INTS9: variants seen among roughly 807,000 people sequenced by gnomAD.
The protein encoded by INTS9 is integrator complex subunit 9, also known as protein related to CPSF subunits of 74 kDa.
INTS9 carries 55 observed loss-of-function variants against 79.7 expected under a neutral mutation model. The observed-to-expected ratio is 0.69, with a 90% CI of 0.56 to 0.86. The LOEUF (loss-of-function observed/expected upper bound fraction) is 0.86, where lower values mean the gene tolerates loss of function less well. Ranked by LOEUF, INTS9 falls within the 40% of genes least tolerant of loss-of-function variation. INTS9 has a pLI of 0.00. For synonymous variants in INTS9, 319 were observed against 325.2 expected (o/e 0.98, Z 0.20); for missense variants, 721 against 831.5 (o/e 0.87, Z 1.64).
chr8:28,805,786 A>G (rs1191307816), intron 8 of INTS9, among the ~76,000 whole-genome samples: 1 of 152,212 alleles, frequency 6.6e-6, no homozygotes, highest in Non-Finnish European at 1.5e-5. Context: ...GTGCATTTTC[A>G]CATATACAGA....
At chr8:28,885,733 T>G (rs1457344598) in intron 1 of INTS9, among the ~76,000 whole-genome samples, 1 of 152,238 alleles carries the variant, frequency 6.6e-6, no homozygotes, top group East Asian at 1.9e-4. Context: ...TCCATGTTCT[T>G]TCGGTAAGGA....
chr8:28,835,327 C>G lies in INTS9; in HGVS notation c.453G>C (p.Gln151His). The G allele has an allele frequency of 6.2e-7, 1 of 1,613,924 alleles. No homozygotes were observed. The highest frequency in any genetic ancestry group is 8.5e-7 in the Non-Finnish European group (1 of 1,179,876). ...CCTTATTCTTCCACAAGGAGGCAGA[C>G]TGAGCCTTTGGCACTCTTTCAATGA... Reference protein sequence around the residue: ...VNFIERVPKAQSASLWKNKDI... With the variant: ...VNFIERVPKAHSASLWKNKDI... Residue 151 changes from glutamine (Q) to histidine (H), a missense_variant, in exon 6 of 17, where the codon CAG becomes CAC. Physicochemically the swap from Gln to His is conservative, Grantham distance 24. Coordinates refer to ENST00000521022, the MANE Select transcript of INTS9 (RefSeq NM_018250.4).
chr8:28,803,124 T>C (rs1398242713), intron 8 of INTS9, among the ~76,000 whole-genome samples: 1 of 151,774 alleles, frequency 6.6e-6, no homozygotes, highest in African/African-American at 2.4e-5. Flanking sequence ...AATAAATAAA[T>C]AAAGTAAGTA....
At chr8:28,808,192 G>C (rs1318987534) in intron 8 of INTS9, among the ~76,000 whole-genome samples, 1 of 103,300 alleles carries the variant, frequency 9.7e-6, no homozygotes, top group Non-Finnish European at 1.9e-5. Flanking sequence ...CCTTTATTTA[G>C]ATTTTTTTTT....
chr8:28,847,919 T>C (rs569839507), intron 3 of INTS9, among the ~76,000 whole-genome samples: 2 of 152,332 alleles, frequency 1.3e-5, no homozygotes, highest in East Asian at 3.9e-4. Flanking sequence ...GGGGCTGAAA[T>C]GTTTATATAC....
At position 28,837,831 on chromosome 8, in the gene INTS9, T is replaced by A. The variant is rs189323865; in HGVS notation, c.262-55A>T. On this transcript the variant is annotated intron_variant, in intron 4 of 16. Coordinates refer to ENST00000521022, the MANE Select transcript of INTS9 (RefSeq NM_018250.4). The stretch of plus-strand genomic sequence containing the variant: ...TCTGTTCAGGGATCGATCAATATGA[T>A]GTGACTAAAAAACGACGTTGTCAGA... The A allele has an allele frequency of 1.9e-4, 291 of 1,520,922 alleles. 5 individuals carry two copies. The East Asian group carries it at 5.9e-3, about 31-fold the overall frequency. The allele number at this position is 1,520,922 out of a possible 1,614,324, so 94.2% of individuals were successfully genotyped here. A position where few individuals can be genotyped will look rare whatever the true frequency, so the allele number is the denominator to read the frequency against.
intron 11 of INTS9, among the ~76,000 whole-genome samples, chr8:28,781,522 C>T (rs1411579532): frequency 6.6e-6 from 1 of 152,122 alleles, no homozygotes; most frequent in East Asian, 1.9e-4. Context: ...GTCCTAATTG[C>T]TAAAACGTGG....
chr8:28,887,572 AAC>A (rs1419023730), intron 1 of INTS9, among the ~76,000 whole-genome samples: 2 of 152,226 alleles, frequency 1.3e-5, no homozygotes, highest in African/African-American at 4.8e-5. Flanking sequence ...ATAAATTTAA[AAC>A]ACAGCCTATT....
chr8:28,813,621 G>A lies in INTS9; in HGVS notation c.489-9C>T, dbSNP rs1455396878. On this transcript the variant is annotated splice_polypyrimidine_tract_variant and intron_variant, in intron 6 of 16. Transcript: ENST00000521022. ...GAGGAGAAGGTAACAGCCTGCAAAT[G>A]GATCACAATGTCAACTACCAGGTGA... The A allele has an allele frequency of 4.3e-6, 7 of 1,611,702 alleles. No homozygotes were observed. In the Admixed American group the frequency reaches 1.2e-4, roughly 27 times the overall value.
intron 5 of INTS9, among the ~76,000 whole-genome samples, chr8:28,835,696 C>T (rs1806770824): frequency 6.6e-6 from 1 of 152,080 alleles, no homozygotes; most frequent in Non-Finnish European, 1.5e-5. Context: ...AAGATCTCTA[C>T]TTTTATGTTA....
At chr8:28,866,840 T>C (rs763844895) in intron 1 of INTS9, among the ~76,000 whole-genome samples, 20 of 151,806 alleles carry the variant, frequency 1.3e-4, no homozygotes, top group Non-Finnish European at 1.6e-4. Context: ...CCAGGCATGG[T>C]GGCGGGAGCC....
intron 6 of INTS9, among the ~76,000 whole-genome samples, chr8:28,823,291 T>C (rs886451405): frequency 6.6e-6 from 1 of 152,198 alleles, no homozygotes; most frequent in African/African-American, 2.4e-5. Context: ...GACATCCCCA[T>C]ATGGAAGATG....
rs184292407 is a variant in INTS9, at chr8:28,813,679, A to G, written c.489-67T>C. ...TTCATGTTCTACAGCATTCCTTTCTAGTAATTTGTCCATTTGATCCAAATG... is the reference window on the plus strand; with the variant it reads ...TTCATGTTCTACAGCATTCCTTTCTGGTAATTTGTCCATTTGATCCAAATG... On this transcript the variant is annotated intron_variant, in intron 6 of 16. Transcript: ENST00000521022. The G allele has an allele frequency of 5.1e-4, 793 of 1,563,136 alleles. 10 individuals are homozygous for G. The African/African-American group carries it at 9.7e-3, about 19-fold the overall frequency.
intron 10 of INTS9, among the ~76,000 whole-genome samples, chr8:28,788,391 C>T (rs1803735433): frequency 6.6e-6 from 1 of 152,192 alleles, no homozygotes; most frequent in African/African-American, 2.4e-5. Flanking sequence ...AAGTGATCTA[C>T]ACCTTGAGAC....
rs201204559 is a variant in INTS9 at position 28,844,458 on chromosome 8, T to A, written c.261+2289A>T. Among the ~76,000 whole-genome samples, 6 of 152,238 alleles carry A rather than the reference T, an allele frequency of 3.9e-5. No individual in the cohort carries two copies. In the East Asian group the frequency reaches 1.2e-3, roughly 29 times the overall value. On this transcript the variant is annotated intron_variant, in intron 4 of 16. Coordinates refer to ENST00000521022, the MANE Select transcript of INTS9 (RefSeq NM_018250.4). ...GGGAGGTTGAGGTGGGAGGATGGCT[T>A]GAGCCAGGAAGGCGGAGGTTGCAGT...
chr8:28,773,566 T>C (rs1407418558), intron 14 of INTS9, among the ~76,000 whole-genome samples: 1 of 151,636 alleles, frequency 6.6e-6, no homozygotes, highest in Non-Finnish European at 1.5e-5. Context: ...TTTTTTTTTT[T>C]CTTGAGACGG....
chr8:28,867,012 C>T (rs1226419117), intron 1 of INTS9, among the ~76,000 whole-genome samples: 2 of 151,936 alleles, frequency 1.3e-5, no homozygotes, highest in African/African-American at 2.4e-5. Flanking sequence ...TCCAGCCAGG[C>T]GTGGTGGCTC....
chr8:28,787,791 T>C lies in INTS9; in HGVS notation c.1098+38A>G, dbSNP rs1265668349. The stretch of plus-strand genomic sequence containing the variant: ...TGCATCTGCATCAGGTTATCCACAT[T>C]GCTTCCTTCCCATGTCCCAGTGATT... On this transcript the variant is annotated intron_variant, in intron 11 of 16. Coordinates refer to ENST00000521022, the MANE Select transcript of INTS9 (RefSeq NM_018250.4). 2.0e-6 allele frequency: 3 copies of C among 1,489,926 alleles called. No individual in the cohort carries two copies. The Admixed American group carries it at 5.0e-5, about 25-fold the overall frequency. The allele number at this position is 1,489,926 out of a possible 1,614,324, so 92.3% of individuals were successfully genotyped here. A position where few individuals can be genotyped will look rare whatever the true frequency, so the allele number is the denominator to read the frequency against.
Position 28,881,098 on chromosome 8 carries a change from G to C in INTS9, c.9+8776C>G, listed in dbSNP as rs1471859099. On this transcript the variant is annotated intron_variant, in intron 1 of 16. Coordinates refer to ENST00000521022, the MANE Select transcript of INTS9 (RefSeq NM_018250.4). ...TGGGAAGTGAGGAGCGTCTCCGCCCGGCAGCCACCCCGTCCGGGAGGGAGG... is the reference window on the plus strand; with the variant it reads ...TGGGAAGTGAGGAGCGTCTCCGCCCCGCAGCCACCCCGTCCGGGAGGGAGG... 2.7e-5 allele frequency among the ~76,000 whole-genome samples: 4 copies of C among 150,482 alleles called. No individual in the cohort carries two copies. In the South Asian group the frequency reaches 6.3e-4, roughly 24 times the overall value.
Sources: gnomAD v4.1 joint callset for allele counts (sites outside exome capture counted in the v4.1 genomes callset) on GRCh38, gnomAD v4.1.1 for gene constraint, MANE v1.5 for transcripts, NCBI Gene and HGNC (gene_info 2026-07-23, HGNC 2026-07-21) for gene names.